The following NUDT6 variants were observed in gnomAD, a reference collection of about 807,000 sequenced individuals.
The protein encoded by NUDT6 is nudix hydrolase 6.
NUDT6 carries 24 observed loss-of-function variants against 36.8 expected under a neutral mutation model. That is an observed-to-expected ratio of 0.65 (90% CI 0.47 to 0.92). NUDT6 has a LOEUF of 0.92. Among genes scored for constraint, NUDT6 ranks in the 40% least tolerant of loss-of-function variants. The pLI, the probability that NUDT6 is intolerant of heterozygous loss-of-function variation, is 0.00. For synonymous variants in NUDT6, 163 were observed against 157.0 expected, an observed-to-expected ratio of 1.04 and a Z score of -0.29; for missense variants, 388 against 392.8, an observed-to-expected ratio of 0.99 and a Z score of 0.10.
At chr4:122,899,880 C>T (rs949493542) in intron 3 of NUDT6, among the ~76,000 whole-genome samples, 2 of 152,124 alleles carry the variant, frequency 1.3e-5, no homozygotes, top group African/African-American at 4.8e-5. Context: ...CACTCAGGCA[C>T]AGATCACAGA....
intron 3 of NUDT6, among the ~76,000 whole-genome samples, chr4:122,909,063 C>A (rs991671196): frequency 2.0e-5 from 3 of 147,054 alleles, no homozygotes; most frequent in African/African-American, 2.4e-5. Flanking sequence ...TCCCCGCCAT[C>A]CCAGCTTTTT....
Position 122,912,569 on chromosome 4 carries a change from T to C in NUDT6, c.497A>G (p.Lys166Arg). 1 of 1,587,932 alleles carries C rather than the reference T, an allele frequency of 6.3e-7. No individual in the cohort carries two copies. Among genetic ancestry groups the C allele is most frequent in the Non-Finnish European group, 8.6e-7 (1 of 1,157,106 alleles). ...ATTTATAAAACAGAAGCAGCTTACT[T>C]TATTTCGATCTTGTACAACCAGTAT... The part of the protein sequence containing the change: ...RKILVVQDRN[K>R]LKNMWKFPGG... Residue 166 changes from lysine (K) to arginine (R), a missense_variant and splice_region_variant, in exon 3 of 5, where the codon AAA becomes AGA. By Grantham distance (26) the Lys-to-Arg change is conservative (BLOSUM62 2). Coordinates refer to ENST00000304430, the MANE Select transcript of NUDT6 (RefSeq NM_007083.5).
At chr4:122,919,680 C>T (rs1727926858) in intron 1 of NUDT6, 1 of 152,224 alleles carries the variant, frequency 6.6e-6, no homozygotes, top group Non-Finnish European at 1.5e-5. Flanking sequence ...AATATCTATC[C>T]TTTAAAGTCC....
intron 2 of NUDT6, among the ~76,000 whole-genome samples, chr4:122,914,006 A>G (rs1727781089): frequency 6.6e-6 from 1 of 152,210 alleles, no homozygotes; most frequent in African/African-American, 2.4e-5. Context: ...TTGAGCTCCT[A>G]CTATGTGCCA....
intron 3 of NUDT6, among the ~76,000 whole-genome samples, chr4:122,910,322 A>G (rs934332222): frequency 1.2e-4 from 19 of 152,214 alleles, no homozygotes; most frequent in Non-Finnish European, 1.0e-4. Context: ...AAAGCTGTCT[A>G]GGTTTGGAGT....
chr4:122,917,744 G>A lies in NUDT6; in HGVS notation c.239-40C>T, dbSNP rs754895662. ...AAAAAGTCTAAATAATTTCCAAAGA[G>A]ACGAGTGGAATAAATTAAAACTCAC... On this transcript the variant is annotated intron_variant, in intron 1 of 4. Coordinates refer to ENST00000304430, the MANE Select transcript of NUDT6 (RefSeq NM_007083.5). The A allele has an allele frequency of 3.2e-6, 5 of 1,586,078 alleles. No individual in the cohort carries two copies. The South Asian group carries it at 4.5e-5, about 14-fold the overall frequency.
In NUDT6 at chr4:122,922,593, C is replaced by G. The variant is rs369925393; in HGVS notation, c.-21G>C. The G allele has an allele frequency of 7.0e-5, 111 of 1,579,814 alleles. No homozygotes were observed. Among genetic ancestry groups the G allele is most frequent in the Non-Finnish European group, 8.4e-5 (98 of 1,167,654 alleles). ...CGCATCTCCACGCCGCTTAATTCGT[C>G]CGTTGCCCAAATGACCCCTCCGCGC... On this transcript the variant is annotated 5_prime_UTR_variant, in exon 1 of 5. Coordinates refer to ENST00000304430, the MANE Select transcript of NUDT6 (RefSeq NM_007083.5).
intron 3 of NUDT6, 27 bp from the exon 4 acceptor site, chr4:122,897,705 T>G (rs113287409): frequency 6.7e-7 from 1 of 1,487,810 alleles, no homozygotes; most frequent in Admixed American, 1.7e-5. Context: ...GAAAATAAAG[T>G]TAACATAACT....
intron 4 of NUDT6, chr4:122,893,532 A>G (rs1192207329): frequency 1.7e-5 from 4 of 234,204 alleles, no homozygotes; most frequent in Admixed American, 5.4e-5. Flanking sequence ...CCCAAAAGGT[A>G]AAAATATAGA....
intron 3 of NUDT6, among the ~76,000 whole-genome samples, chr4:122,907,349 G>A (rs1435435452): frequency 6.6e-6 from 1 of 151,714 alleles, no homozygotes; most frequent in Non-Finnish European, 1.5e-5. Context: ...TAGCCAGGCT[G>A]GTCTCAAACT....
At chr4:122,917,374 A>G in intron 2 of NUDT6, 127 bp downstream of exon 2, 1 of 837,130 alleles carries the variant, frequency 1.2e-6, no homozygotes, top group Non-Finnish European at 1.9e-6. Flanking sequence ...GATAGGGTGG[A>G]ACCACCGTAA....
intron 1 of NUDT6, 107 bp downstream of exon 1, chr4:122,922,228 C>G (rs368636882): frequency 1.1e-5 from 10 of 939,992 alleles, no homozygotes; most frequent in Admixed American, 9.8e-5. Flanking sequence ...CTCCCTTTCC[C>G]TCTGGGCTCG....
chr4:122,906,780 T>G (rs1560770239), intron 3 of NUDT6, among the ~76,000 whole-genome samples: 1 of 152,122 alleles, frequency 6.6e-6, no homozygotes, highest in Non-Finnish European at 1.5e-5. Flanking sequence ...AAGACCTTGC[T>G]GATAAAACAG....
At chr4:122,902,284 T>C (rs1332245623) in intron 3 of NUDT6, among the ~76,000 whole-genome samples, 1 of 152,198 alleles carries the variant, frequency 6.6e-6, no homozygotes, top group East Asian at 1.9e-4. Context: ...CCGAACATAA[T>C]GTACATGGCA....
At chr4:122,895,716 TAAAAA>T (rs1348019917) in intron 4 of NUDT6, 1 of 152,148 alleles carries the variant, frequency 6.6e-6, no homozygotes, top group Non-Finnish European at 1.5e-5. Flanking sequence ...TCTTGATATT[TAAAAA>T]ACACTATGGA....
intron 3 of NUDT6, among the ~76,000 whole-genome samples, chr4:122,900,469 G>A (rs1192512607): frequency 6.6e-6 from 1 of 151,316 alleles, no homozygotes; most frequent in Admixed American, 6.6e-5. Flanking sequence ...CTAAATATTT[G>A]TATAAGAATT....
intron 3 of NUDT6, among the ~76,000 whole-genome samples, chr4:122,905,724 T>C (rs1727605038): frequency 6.6e-6 from 1 of 152,188 alleles, no homozygotes; most frequent in Non-Finnish European, 1.5e-5. Flanking sequence ...CTATGACAAA[T>C]GGTTTCCTGG....
At chr4:122,920,188 T>A (rs1283233068) in intron 1 of NUDT6, 1 of 152,222 alleles carries the variant, frequency 6.6e-6, no homozygotes, top group Non-Finnish European at 1.5e-5. Context: ...ATAGTCTCTC[T>A]TTATAGGCAC....
At chr4:122,906,994 G>A (rs971149397) in intron 3 of NUDT6, among the ~76,000 whole-genome samples, 4 of 152,130 alleles carry the variant, frequency 2.6e-5, no homozygotes, top group Non-Finnish European at 5.9e-5. Context: ...CCTCAGTTCC[G>A]GGAATTGCCT....
Sources: allele counts gnomAD v4.1 joint callset (sites outside exome capture counted in the v4.1 genomes callset), GRCh38; gene constraint gnomAD v4.1.1; transcripts MANE v1.5; gene names NCBI Gene and HGNC (gene_info 2026-07-23, HGNC 2026-07-21).